The following IFT140 variants were observed in gnomAD, a reference collection of about 807,000 sequenced individuals.
IFT140 encodes the protein intraflagellar transport 140, also known as intraflagellar transport protein 140 homolog.
Under a neutral mutation model 164.6 loss-of-function variants are expected in IFT140, and 133 were observed. The observed-to-expected ratio is 0.81, with a 90% confidence interval of 0.70 to 0.93. The LOEUF (loss-of-function observed/expected upper bound fraction) is 0.93. Ranked by LOEUF, IFT140 falls within the 40% of genes least tolerant of loss-of-function variation. IFT140 has a pLI of 0.00. For missense variants in IFT140, 2,045 were observed against 1,972.3 expected, an observed-to-expected ratio of 1.04 and a Z score of -0.70; for synonymous variants, 860 against 817.3, an observed-to-expected ratio of 1.05 and a Z score of -0.89.
At position 1,553,589 on chromosome 16, in the gene IFT140, G is replaced by A. The variant is rs1377823278; in HGVS notation, c.2399+4346C>T. The A allele has an allele frequency of 9.7e-7, 1 of 1,025,802 alleles. No homozygotes were observed. Among genetic ancestry groups the A allele is most frequent in the East Asian group, 8.3e-5 (1 of 12,070 alleles). 63.5% of individuals were successfully genotyped at this position (1,025,802 alleles called of 1,614,324 possible). On this transcript the variant is annotated intron_variant, in intron 19 of 30. Transcript: ENST00000426508. This position sits in a 1 kb window ranked among gnomAD's most constrained non-coding sequence, Gnocchi z 4.4. ...TCTGGACCAGTGTAAGTTACAGAGA[G>A]TCTCTGGCACTTTGGGTACAAGAAA... is the stretch of plus-strand genomic sequence containing the variant.
chr16:1,525,132 C>CG, intron 22 of IFT140, 99 bp downstream of exon 22: 1 of 1,219,896 alleles, frequency 8.2e-7, no homozygotes, highest in Non-Finnish European at 1.2e-6. Flanking sequence ...CCCACTCGTG[C>CG]AGGAAGCACG....
At chr16:1,590,016 G>C (rs2035092340) in intron 6 of IFT140, among the ~76,000 whole-genome samples, 1 of 152,156 alleles carries the variant, frequency 6.6e-6, no homozygotes, top group East Asian at 1.9e-4. Context: ...GGCCAACGTA[G>C]TGAAATCCTG....
intron 19 of IFT140, among the ~76,000 whole-genome samples, chr16:1,527,336 G>A (rs568760325): frequency 1.8e-4 from 27 of 152,266 alleles, no homozygotes; most frequent in African/African-American, 6.5e-4. Context: ...CCCAGGAGAC[G>A]GTGACCCAGC....
At chr16:1,526,443 T>G (rs944627060) in intron 20 of IFT140, 176 bp downstream of exon 20, 1 of 726,940 alleles carries the variant, frequency 1.4e-6, no homozygotes, top group Non-Finnish European at 2.2e-6. Flanking sequence ...TCGCCTAGCC[T>G]CCACCCACCT....
At chr16:1,558,384 T>C (rs1303398733) in intron 18 of IFT140, among the ~76,000 whole-genome samples, 1 of 152,228 alleles carries the variant, frequency 6.6e-6, no homozygotes, top group Non-Finnish European at 1.5e-5. Context: ...AATTTGTTTT[T>C]TAAACTCTCT....
chr16:1,565,232 C>T (rs559955083), intron 16 of IFT140, among the ~76,000 whole-genome samples: 3 of 152,216 alleles, frequency 2.0e-5, no homozygotes, highest in East Asian at 1.9e-4. Flanking sequence ...AGGAAGGGTT[C>T]GAGGAGCGGC....
In IFT140 at chr16:1,607,141, G is replaced by A. The variant is rs753351192; in HGVS notation, c.126C>T (p.Ser42=). Residue 42 remains serine (S), a synonymous_variant, in exon 3 of 31, where the codon AGC becomes AGT. Coordinates refer to ENST00000426508, the MANE Select transcript of IFT140 (RefSeq NM_014714.4). Reference sequence around the variant, plus strand: ...TCACTTGCTCCAGGTAAATATCCACGCTGCCTGTTGAGGTTGTGCTGATGT... The same window carrying A: ...TCACTTGCTCCAGGTAAATATCCACACTGCCTGTTGAGGTTGTGCTGATGT... ...VAYISTTSTG[S]VDIYLEQGEC... The A allele has an allele frequency of 9.3e-6, 15 of 1,613,980 alleles. No homozygotes were observed. The highest frequency in any genetic ancestry group is 1.3e-5 in the African/African-American group (1 of 74,904).
chr16:1,574,009 T>C (rs188139744), intron 13 of IFT140, among the ~76,000 whole-genome samples: 6 of 152,274 alleles, frequency 3.9e-5, no homozygotes, highest in African/African-American at 7.2e-5. Flanking sequence ...GGAAACTGCC[T>C]GCTGCCGCCA....
intron 4 of IFT140, among the ~76,000 whole-genome samples, chr16:1,598,702 C>A (rs551307937): frequency 3.3e-5 from 5 of 152,382 alleles, no homozygotes; most frequent in Admixed American, 2.6e-4. Flanking sequence ...ATCCGCTAAG[C>A]CACAGGGCAT....
At chr16:1,556,105 C>T (rs1567365732) in intron 19 of IFT140, among the ~76,000 whole-genome samples, 1 of 152,098 alleles carries the variant, frequency 6.6e-6, no homozygotes, top group Non-Finnish European at 1.5e-5. Flanking sequence ...GACTCCGTCT[C>T]AAAACAAAAA....
intron 30 of IFT140, among the ~76,000 whole-genome samples, chr16:1,516,100 C>T (rs2040328998): frequency 7.9e-6 from 1 of 126,844 alleles, no homozygotes. Flanking sequence ...AGGTTTGTTG[C>T]CCACTCCAGC....
intron 1 of IFT140, among the ~76,000 whole-genome samples, chr16:1,611,490 CAAAAA>C (rs150781872): frequency 1.2e-5 from 1 of 86,822 alleles, no homozygotes; most frequent in Non-Finnish European, 2.4e-5. Context: ...CAGAGCGAGT[CAAAAA>C]AAAAAAAAAA....
At chr16:1,566,375 C>T (rs1366073954) in intron 15 of IFT140, 84 bp from the exon 16 acceptor site, 1 of 1,388,856 alleles carries the variant, frequency 7.2e-7, no homozygotes, top group African/African-American at 1.4e-5. Flanking sequence ...TGACACAGCA[C>T]ATGTCAAGAG....
chr16:1,583,603 T>C (rs2034697496), intron 11 of IFT140, among the ~76,000 whole-genome samples: 1 of 148,550 alleles, frequency 6.7e-6, no homozygotes, highest in South Asian at 2.1e-4. Flanking sequence ...TCTTTTCTGT[T>C]TTTTTTTTTC....
chr16:1,606,789 CTAGAG>C (rs1339185171), intron 3 of IFT140, among the ~76,000 whole-genome samples: 3 of 152,046 alleles, frequency 2.0e-5, no homozygotes, highest in Non-Finnish European at 2.9e-5. Flanking sequence ...CATGAATAAG[CTAGAG>C]TAGAGTTCGT....
At chr16:1,539,339 C>A (rs1443552639) in intron 19 of IFT140, among the ~76,000 whole-genome samples, 1 of 147,756 alleles carries the variant, frequency 6.8e-6, no homozygotes, top group Non-Finnish European at 1.5e-5. Flanking sequence ...CCACATGGTG[C>A]AAATGCCGCC....
At position 1,518,124 on chromosome 16, in the gene IFT140, C is replaced by T. The variant is rs762884450; in HGVS notation, c.4182+92G>A. On this transcript the variant is annotated intron_variant, in intron 30 of 30. Coordinates refer to ENST00000426508, the MANE Select transcript of IFT140 (RefSeq NM_014714.4). Reference sequence around the variant, plus strand: ...AAGTGCTGGGATTACAGGAGTGAGCCGCCACACACAGCCTCAGTTTGAGCC... The same window carrying T: ...AAGTGCTGGGATTACAGGAGTGAGCTGCCACACACAGCCTCAGTTTGAGCC... 11 of 1,320,082 alleles carry T rather than the reference C, an allele frequency of 8.3e-6. No homozygotes were observed. The African/African-American group carries it at 1.3e-4, about 16-fold the overall frequency. The allele number at this position is 1,320,082 out of a possible 1,614,324, so 81.8% of individuals were successfully genotyped here.
chr16:1,530,255 C>T lies in IFT140; in HGVS notation c.2400-3459G>A, dbSNP rs1490122924. 2.6e-5 allele frequency among the ~76,000 whole-genome samples: 4 copies of T among 151,050 alleles called. No individual in the cohort carries two copies. The East Asian group carries it at 7.8e-4, about 29-fold the overall frequency. On this transcript the variant is annotated intron_variant, in intron 19 of 30. Coordinates refer to ENST00000426508, the MANE Select transcript of IFT140 (RefSeq NM_014714.4). ...CCGAGTGATTCTCCTGCCTCAGCCT[C>T]CCGAGTAGTTGGGACTACAGGCATG...
At chr16:1,611,444 A>G (rs1211830504) in intron 1 of IFT140, among the ~76,000 whole-genome samples, 1 of 148,716 alleles carries the variant, frequency 6.7e-6, no homozygotes, top group African/African-American at 2.5e-5. Flanking sequence ...GACTGCAGCG[A>G]GCCGAGATCG....
Sources: allele counts gnomAD v4.1 joint callset (sites outside exome capture counted in the v4.1 genomes callset), GRCh38; gene constraint gnomAD v4.1.1; non-coding constraint Gnocchi (gnomAD v3.1); transcripts MANE v1.5; gene names NCBI Gene and HGNC (gene_info 2026-07-23, HGNC 2026-07-21).